Variants in ENOX1 observed in about 807,000 individuals in gnomAD.
ENOX1 encodes ecto-NOX disulfide-thiol exchanger 1.
ENOX1 carries 42 observed loss-of-function variants against 82.5 expected under a neutral mutation model. That is an observed-to-expected ratio of 0.51 (90% CI 0.40 to 0.66). The LOEUF (loss-of-function observed/expected upper bound fraction) is 0.66, where lower values mean the gene tolerates loss of function less well. Ranked by LOEUF, ENOX1 falls within the 30% of genes least tolerant of loss-of-function variation. The probability of loss-of-function intolerance (pLI) is 0.00; values close to 1 mark genes in which losing one functional copy is unlikely to be tolerated. For missense variants in ENOX1, 608 were observed against 811.6 expected, an observed-to-expected ratio of 0.75 and a Z score of 3.05; for synonymous variants, 271 against 282.2, an observed-to-expected ratio of 0.96 and a Z score of 0.40.
intron 14 of ENOX1, among the ~76,000 whole-genome samples, chr13:43,242,868 G>A (rs2042903166): frequency 6.6e-6 from 1 of 152,174 alleles, no homozygotes; most frequent in Non-Finnish European, 1.5e-5. Flanking sequence ...GGGTGCAGTG[G>A]CTCAAGCCTG....
intron 1 of ENOX1, among the ~76,000 whole-genome samples, chr13:43,705,328 C>CTA (rs1248320824): frequency 0.016 from 1,152 of 71,038 alleles, 5 homozygotes; most frequent in African/African-American, 0.04. Context: ...CTCTCTCTCT[C>CTA]TCTATATATA....
At chr13:43,601,825 A>G (rs2081735993) in intron 2 of ENOX1, among the ~76,000 whole-genome samples, 1 of 152,178 alleles carries the variant, frequency 6.6e-6, no homozygotes, top group African/African-American at 2.4e-5. Flanking sequence ...ATAACATATA[A>G]TGGAGCTCCA....
intron 2 of ENOX1, among the ~76,000 whole-genome samples, chr13:43,599,647 A>G (rs1459568691): frequency 6.6e-6 from 1 of 151,908 alleles, no homozygotes; most frequent in Non-Finnish European, 1.5e-5. Flanking sequence ...TTGGGCCAAA[A>G]GTCAGTGGAC....
At chr13:43,601,492 G>T (rs1039575453) in intron 2 of ENOX1, among the ~76,000 whole-genome samples, 1 of 151,794 alleles carries the variant, frequency 6.6e-6, no homozygotes, top group Non-Finnish European at 1.5e-5. Context: ...ATACACAAAG[G>T]AGACAAAAGA....
chr13:43,712,908 T>C (rs887317561), intron 1 of ENOX1, among the ~76,000 whole-genome samples: 1 of 152,032 alleles, frequency 6.6e-6, no homozygotes, highest in African/African-American at 2.4e-5. Flanking sequence ...CTTTATTTCC[T>C]TCTCCTGCCT....
Position 43,470,273 on chromosome 13 carries a change from CAT to C in ENOX1, c.-75+13734_-75+13735del, listed in dbSNP as rs1389770595. Among the ~76,000 whole-genome samples, 27 of 44,984 alleles carry C rather than the reference CAT, an allele frequency of 6.0e-4. 4 individuals carry two copies. The highest frequency in any genetic ancestry group is 2.5e-3 in the South Asian group (5 of 2,018). The allele number at this position is 44,984 out of a possible 152,430, so 29.5% of individuals were successfully genotyped here. On this transcript the variant is annotated intron_variant, in intron 3 of 16. Transcript: ENST00000690772. ...ACATATATATATACATATATATACA[CAT>C]ATATATACATATATATATACACATA...
intron 2 of ENOX1, among the ~76,000 whole-genome samples, chr13:43,637,094 C>G (rs1344550069): frequency 6.6e-6 from 1 of 152,144 alleles, no homozygotes; most frequent in Non-Finnish European, 1.5e-5. Flanking sequence ...GGAGTAGAAC[C>G]ACATTCTATG....
chr13:43,411,794 A>G (rs1442332072), intron 5 of ENOX1, 122 bp downstream of exon 5: 1 of 1,265,068 alleles, frequency 7.9e-7, no homozygotes, highest in African/African-American at 1.5e-5. Flanking sequence ...CTTGCCAAAC[A>G]TGCCCCAGTC....
At chr13:43,582,081 A>C (rs2080769354) in intron 2 of ENOX1, among the ~76,000 whole-genome samples, 1 of 152,300 alleles carries the variant, frequency 6.6e-6, no homozygotes, top group South Asian at 2.1e-4. Context: ...TAAATTCCCC[A>C]AAAAAGAAAA....
chr13:43,523,673 G>A (rs896887357), intron 2 of ENOX1, among the ~76,000 whole-genome samples: 6 of 152,190 alleles, frequency 3.9e-5, no homozygotes, highest in East Asian at 1.9e-4. Flanking sequence ...GTTCTGTCCC[G>A]TCAATGCCCT....
At chr13:43,615,593 T>C (rs1333585151) in intron 2 of ENOX1, among the ~76,000 whole-genome samples, 3 of 152,090 alleles carry the variant, frequency 2.0e-5, no homozygotes, top group Non-Finnish European at 4.4e-5. Context: ...CTTAAGTTTA[T>C]TATTATTATT....
chr13:43,684,934 T>G (rs2085988731), intron 1 of ENOX1, among the ~76,000 whole-genome samples: 1 of 152,190 alleles, frequency 6.6e-6, no homozygotes, highest in Admixed American at 6.5e-5. Flanking sequence ...ACTATAAATA[T>G]TTGAACTTTG....
At chr13:43,454,824 G>A (rs2153633366) in intron 3 of ENOX1, among the ~76,000 whole-genome samples, 1 of 149,038 alleles carries the variant, frequency 6.7e-6, no homozygotes, top group African/African-American at 2.5e-5. Context: ...AAGAACTATA[G>A]AACTTATATT....
chr13:43,356,266 G>T, intron 7 of ENOX1, 114 bp from the exon 8 acceptor site: 1 of 836,290 alleles, frequency 1.2e-6, no homozygotes, highest in Non-Finnish European at 1.9e-6. Flanking sequence ...CTGTCACTAC[G>T]GATACATTTC....
chr13:43,516,375 T>C (rs1392786526), intron 2 of ENOX1, among the ~76,000 whole-genome samples: 1 of 152,144 alleles, frequency 6.6e-6, no homozygotes, highest in African/African-American at 2.4e-5. Flanking sequence ...TCAAGGACAC[T>C]CCTGTTGCAC....
chr13:43,335,124 G>A (rs2048624773), intron 9 of ENOX1, among the ~76,000 whole-genome samples: 1 of 152,170 alleles, frequency 6.6e-6, no homozygotes, highest in Admixed American at 6.5e-5. Flanking sequence ...ATAAGGAAAG[G>A]AACAGATAGC....
rs145431995 is a variant in ENOX1, at chr13:43,289,416, A to G, written c.1446+8930T>C. ...CAACAGAAAACTGAGAAACAAAGAT[A>G]CACACTTAACAACCATCTAATATTT... On this transcript the variant is annotated intron_variant, in intron 12 of 16. Coordinates refer to ENST00000690772, the MANE Select transcript of ENOX1 (RefSeq NM_001347969.2). Among the ~76,000 whole-genome samples, 11 of 152,274 alleles carry G rather than the reference A, an allele frequency of 7.2e-5. No homozygotes were observed. In the East Asian group the frequency reaches 2.1e-3, roughly 29 times the overall value.
intron 3 of ENOX1, among the ~76,000 whole-genome samples, chr13:43,469,810 C>A (rs886476961): frequency 5.3e-5 from 8 of 151,608 alleles, no homozygotes; most frequent in Admixed American, 2.0e-4. Flanking sequence ...GATATACAAA[C>A]CAATTTTGTA....
chr13:43,500,294 T>C (rs1186284526), intron 2 of ENOX1, among the ~76,000 whole-genome samples: 1 of 152,156 alleles, frequency 6.6e-6, no homozygotes, highest in Non-Finnish European at 1.5e-5. Flanking sequence ...GAGAAATTAC[T>C]ATTAAATTGT....
Sources: allele counts gnomAD v4.1 joint callset (sites outside exome capture counted in the v4.1 genomes callset), GRCh38; gene constraint gnomAD v4.1.1; transcripts MANE v1.5; gene names NCBI Gene and HGNC (gene_info 2026-07-23, HGNC 2026-07-21).